C1orf185: variants seen among roughly 807,000 people sequenced by gnomAD.
C1orf185 encodes the protein uncharacterized protein C1orf185.
In C1orf185, 13 loss-of-function variants were observed where a neutral mutation model predicts 16.1. The ratio of observed to expected loss-of-function variants is 0.81; its 90% confidence interval spans 0.53 to 1.28. The LOEUF is 1.28. Among genes scored for constraint, C1orf185 ranks in the 50% most tolerant of loss-of-function variants. The pLI is 0.00. For synonymous variants in C1orf185, 80 were observed against 76.9 expected (o/e 1.04, Z -0.21); for missense variants, 220 against 225.2 (o/e 0.98, Z 0.15).
At position 51,112,552 on chromosome 1, in the gene C1orf185, C is replaced by T. The variant is rs1387343189; in HGVS notation, c.105C>T (p.Phe35=). 1 of 1,546,868 alleles carries T rather than the reference C, an allele frequency of 6.5e-7. No homozygotes were observed. The highest frequency in any genetic ancestry group is 2.5e-5 in the East Asian group (1 of 40,762). The change falls in exon 2 of 5, where the codon TTC becomes TTT. Residue 35 remains phenylalanine, a synonymous_variant. Transcript: ENST00000371759. ...TTGCTTTGGCATCAGCTTTGTGGTT[C>T]CTGATTTGCAAACGAAGGTAAGGAT... ...GFFALASALW[F]LICKRREIFQ... is the part of the protein sequence containing the mutation.
At chr1:51,120,014 G>A (rs1263918411) in intron 3 of C1orf185, among the ~76,000 whole-genome samples, 1 of 152,194 alleles carries the variant, frequency 6.6e-6, no homozygotes, top group Non-Finnish European at 1.5e-5. Flanking sequence ...GGGCTTCACA[G>A]AGAAGACATT....
downstream of C1orf185, among the ~76,000 whole-genome samples, chr1:51,148,801 C>T (rs552825893): frequency 2.8e-4 from 43 of 152,242 alleles, no homozygotes; most frequent in African/African-American, 9.9e-4. Flanking sequence ...GTGGCACATG[C>T]CTGTAGTCCC....
At chr1:51,110,954 G>C (rs1330874566) in intron 1 of C1orf185, among the ~76,000 whole-genome samples, 2 of 151,998 alleles carry the variant, frequency 1.3e-5, no homozygotes, top group East Asian at 3.8e-4. Context: ...GGGTGACAGA[G>C]CTCACTCAAA....
intron 1 of C1orf185, among the ~76,000 whole-genome samples, chr1:51,105,358 A>G (rs895275085): frequency 1.3e-5 from 2 of 152,168 alleles, no homozygotes; most frequent in African/African-American, 4.8e-5. Context: ...TAAAAAAAAA[A>G]AACTTTCTCC....
intron 3 of C1orf185, among the ~76,000 whole-genome samples, chr1:51,130,294 A>G (rs1646273324): frequency 2.0e-5 from 3 of 152,090 alleles, no homozygotes; most frequent in Admixed American, 6.6e-5. Context: ...ATTCCAGAGT[A>G]ACTGTACCAT....
downstream of C1orf185, among the ~76,000 whole-genome samples, chr1:51,150,417 T>A (rs2148036676): frequency 6.6e-6 from 1 of 152,260 alleles, no homozygotes; most frequent in South Asian, 2.1e-4. Context: ...GGTCTTGAAC[T>A]CCTGACCTCA....
At chr1:51,110,695 G>T (rs145694072) in intron 1 of C1orf185, among the ~76,000 whole-genome samples, 2 of 152,082 alleles carry the variant, frequency 1.3e-5, no homozygotes, top group Non-Finnish European at 2.9e-5. Flanking sequence ...TCGGCTGAGC[G>T]TGATGGCTTA....
intron 3 of C1orf185, among the ~76,000 whole-genome samples, chr1:51,120,982 A>C (rs1180026772): frequency 6.6e-6 from 1 of 152,170 alleles, no homozygotes; most frequent in Non-Finnish European, 1.5e-5. Flanking sequence ...TTTATTTTTT[A>C]ATTGACAAAA....
At position 51,139,020 on chromosome 1, in the gene C1orf185, T is replaced by C. The variant is rs551021567; in HGVS notation, c.259-6704T>C. ...TCTTTTCTTTTACATATGGATGATT[T>C]GATTTGCTAATATTTTACTTACATT... On this transcript the variant is annotated intron_variant, in intron 3 of 4. Transcript: ENST00000371759. Among the ~76,000 whole-genome samples the C allele has an allele frequency of 2.1e-4, 32 of 152,286 alleles. No homozygotes were observed. In the East Asian group the frequency reaches 5.8e-3, roughly 28 times the overall value.
intron 3 of C1orf185, among the ~76,000 whole-genome samples, chr1:51,141,559 A>C (rs547049362): frequency 3.0e-4 from 45 of 152,306 alleles, no homozygotes; most frequent in Non-Finnish European, 6.0e-4. Context: ...GAGGTTTAGC[A>C]CTAGTCAGTG....
At chr1:51,103,545 T>A (rs1297564820) in intron 1 of C1orf185, among the ~76,000 whole-genome samples, 1 of 151,048 alleles carries the variant, frequency 6.6e-6, no homozygotes, top group Non-Finnish European at 1.5e-5. Flanking sequence ...CTTTTTTTTT[T>A]TTTTTTGAGA....
At chr1:51,133,035 C>G (rs186913757) in intron 3 of C1orf185, among the ~76,000 whole-genome samples, 9 of 152,318 alleles carry the variant, frequency 5.9e-5, no homozygotes, top group Admixed American at 5.9e-4. Flanking sequence ...ACCACCAGAT[C>G]TGCCTTACAA....
chr1:51,118,788 G>T lies in C1orf185; in HGVS notation c.245G>T (p.Arg82Ile). 2 of 1,456,060 alleles carry T rather than the reference G, an allele frequency of 1.4e-6. No homozygotes were observed. The highest frequency in any genetic ancestry group is 2.6e-5 in the East Asian group (1 of 38,396). 90.2% of individuals were successfully genotyped at this position (1,456,060 alleles called of 1,614,324 possible). ...ATTTCTCGAAATTTTCATACTGGGA[G>T]ATTCCAATTACAGGTAGGGTGTAAT... is the stretch of plus-strand genomic sequence containing the variant. ...VFISRNFHTGRFQLQEEQRKK... is the reference protein window; with the variant it reads ...VFISRNFHTGIFQLQEEQRKK... Residue 82 changes from arginine to isoleucine, a missense_variant, in exon 3 of 5, where the codon AGA becomes ATA. Arg to Ile is a moderately conservative substitution (Grantham distance 97). Transcript: ENST00000371759.
rs145694072 is a variant in C1orf185 at position 51,110,695 on chromosome 1, G to A, written c.17-1769G>A. Among the ~76,000 whole-genome samples, 1,117 of 152,198 alleles carry A rather than the reference G, an allele frequency of 7.3e-3. 10 individuals carry two copies. Among genetic ancestry groups the A allele is most frequent in the African/African-American group, 0.024 (1,015 of 41,522 alleles). On this transcript the variant is annotated intron_variant, in intron 1 of 4. Transcript: ENST00000371759. The stretch of plus-strand genomic sequence containing the variant: ...TGAAAGCTTTCTTTCTCGGCTGAGC[G>A]TGATGGCTTATGCCTGTAATCCCAG...
chr1:51,143,904 T>C (rs892472583), intron 3 of C1orf185, among the ~76,000 whole-genome samples: 1 of 152,186 alleles, frequency 6.6e-6, no homozygotes, highest in African/African-American at 2.4e-5. Context: ...CGTGAGCCAC[T>C]GCACCCAGCC....
At chr1:51,135,478 G>A (rs1405135138) in intron 3 of C1orf185, among the ~76,000 whole-genome samples, 1 of 152,188 alleles carries the variant, frequency 6.6e-6, no homozygotes, top group Admixed American at 6.5e-5. Flanking sequence ...GGCGGAGGTT[G>A]CAGTGAGCCG....
chr1:51,141,970 T>C (rs1646367729), intron 3 of C1orf185, among the ~76,000 whole-genome samples: 1 of 152,146 alleles, frequency 6.6e-6, no homozygotes. Context: ...GGTTTCACCA[T>C]GTTGGCCAGT....
chr1:51,111,789 G>T (rs1458413781), intron 1 of C1orf185, among the ~76,000 whole-genome samples: 2 of 152,126 alleles, frequency 1.3e-5, no homozygotes, highest in Non-Finnish European at 2.9e-5. Context: ...CAAAGTGCTG[G>T]GATTACAGGC....
intron 1 of C1orf185, among the ~76,000 whole-genome samples, chr1:51,107,705 CAG>C (rs1419341715): frequency 2.6e-5 from 4 of 152,166 alleles, no homozygotes; most frequent in Non-Finnish European, 5.9e-5. Context: ...GATCAAGAAA[CAG>C]AACATTACCA....
Sources: allele counts gnomAD v4.1 joint callset (sites outside exome capture counted in the v4.1 genomes callset), GRCh38; gene constraint gnomAD v4.1.1; transcripts MANE v1.5; gene names NCBI Gene and HGNC (gene_info 2026-07-23, HGNC 2026-07-21).